SLC25A21: variants seen among roughly 807,000 people sequenced by gnomAD.
SLC25A21 encodes the protein solute carrier family 25 member 21.
In SLC25A21, 47 loss-of-function variants were observed where a neutral mutation model predicts 43.8. The observed-to-expected ratio is 1.07, with a 90% confidence interval of 0.85 to 1.37. The LOEUF (loss-of-function observed/expected upper bound fraction) is 1.37. SLC25A21 is among the 40% of genes most tolerant of loss of function. SLC25A21 has a pLI of 0.00. For missense variants in SLC25A21, 352 were observed against 350.2 expected, an observed-to-expected ratio of 1.00 and a Z score of -0.04; for synonymous variants, 131 against 121.3, an observed-to-expected ratio of 1.08 and a Z score of -0.52.
At chr14:37,102,707 T>C (rs1442888000) in intron 1 of SLC25A21, among the ~76,000 whole-genome samples, 2 of 151,930 alleles carry the variant, frequency 1.3e-5, no homozygotes, top group Non-Finnish European at 2.9e-5. Flanking sequence ...CAAATTTGGC[T>C]GGGCATGGTG....
intron 3 of SLC25A21, among the ~76,000 whole-genome samples, chr14:36,795,858 G>T (rs948934455): frequency 1.8e-4 from 27 of 152,176 alleles, no homozygotes; most frequent in African/African-American, 5.8e-4. Context: ...AAAAGTAACA[G>T]GCAGCTCATG....
At chr14:36,756,951 T>C (rs1299813509) in intron 3 of SLC25A21, among the ~76,000 whole-genome samples, 3 of 152,114 alleles carry the variant, frequency 2.0e-5, no homozygotes, top group East Asian at 3.8e-4. Flanking sequence ...AATACTTTTG[T>C]AAAATACATT....
chr14:37,011,616 G>A (rs1478942278), intron 1 of SLC25A21, among the ~76,000 whole-genome samples: 2 of 152,092 alleles, frequency 1.3e-5, no homozygotes, highest in African/African-American at 2.4e-5. Context: ...ATTCCATCCA[G>A]AATCACATCA....
intron 2 of SLC25A21, among the ~76,000 whole-genome samples, chr14:36,828,222 A>C (rs779669747): frequency 5.9e-5 from 9 of 151,996 alleles, no homozygotes; most frequent in Non-Finnish European, 1.2e-4. Flanking sequence ...CTTTTTTGTC[A>C]TATAAAGTTG....
chr14:36,916,389 C>T (rs1225188338), intron 1 of SLC25A21, among the ~76,000 whole-genome samples: 1 of 152,084 alleles, frequency 6.6e-6, no homozygotes, highest in African/African-American at 2.4e-5. Context: ...ATATTCTATT[C>T]CTCATTTTTT....
At position 37,095,486 on chromosome 14, in the gene SLC25A21, C is replaced by CT. The variant is rs557346238; in HGVS notation, c.70+76794dup. 4.6e-5 allele frequency among the ~76,000 whole-genome samples: 7 copies of CT among 152,260 alleles called. 1 individual carries two copies. The South Asian group carries it at 1.5e-3, about 32-fold the overall frequency. On this transcript the variant is annotated intron_variant, in intron 1 of 9. Transcript: ENST00000331299. ...TGAGCCTGGATTGTGCCACTGAACT[C>CT]TAACGTGGGCGACAGAGCAAGACTC... is the stretch of plus-strand genomic sequence containing the variant.
chr14:36,798,032 T>C (rs1375194778), intron 3 of SLC25A21, among the ~76,000 whole-genome samples: 3 of 152,184 alleles, frequency 2.0e-5, no homozygotes, highest in South Asian at 4.1e-4. Flanking sequence ...CTGGAGGCTG[T>C]TGAAATCCTA....
chr14:37,072,966 G>A (rs1225384926), intron 1 of SLC25A21, among the ~76,000 whole-genome samples: 1 of 152,120 alleles, frequency 6.6e-6, no homozygotes, highest in African/African-American at 2.4e-5. Flanking sequence ...TGACACATAG[G>A]TCCTGGGACA....
chr14:37,027,771 T>G (rs191680713), intron 1 of SLC25A21, among the ~76,000 whole-genome samples: 1 of 152,332 alleles, frequency 6.6e-6, no homozygotes, highest in East Asian at 1.9e-4. Flanking sequence ...GGTCTCTGAT[T>G]TAGGTTAAGT....
chr14:36,873,822 C>T (rs751630919), intron 2 of SLC25A21, among the ~76,000 whole-genome samples: 124 of 152,066 alleles, frequency 8.2e-4, no homozygotes, highest in Non-Finnish European at 2.1e-4. Context: ...AGCTTCCTCT[C>T]TCTGTCATGT....
At chr14:36,716,793 G>A (rs1304550402) in intron 6 of SLC25A21, among the ~76,000 whole-genome samples, 2 of 152,178 alleles carry the variant, frequency 1.3e-5, no homozygotes, top group East Asian at 3.9e-4. Flanking sequence ...TGTTCCCTGG[G>A]TAAATACCAG....
chr14:37,078,478 A>T (rs1209409281), intron 1 of SLC25A21, among the ~76,000 whole-genome samples: 1 of 152,166 alleles, frequency 6.6e-6, no homozygotes, highest in Admixed American at 6.5e-5. Context: ...CACTGCAATC[A>T]CACCGAAAAT....
Position 37,172,570 on chromosome 14 carries a change from A to T in SLC25A21, c.-220T>A. The stretch of plus-strand genomic sequence containing the variant: ...GAACCTGTTCGCAGCGCTCTCGCAG[A>T]GGCGCCCTCGGCTCCGAAAATGTCT... On this transcript the variant is annotated 5_prime_UTR_variant, in exon 1 of 10. Coordinates refer to ENST00000331299, the MANE Select transcript of SLC25A21 (RefSeq NM_030631.4). 1 of 703,844 alleles carries T rather than the reference A, an allele frequency of 1.4e-6. No homozygotes were observed. Among genetic ancestry groups the T allele is most frequent in the Non-Finnish European group, 2.6e-6 (1 of 386,456 alleles). The allele number at this position is 703,844 out of a possible 1,614,324, so 43.6% of individuals were successfully genotyped here. A position where few individuals can be genotyped will look rare whatever the true frequency, so the allele number is the denominator to read the frequency against.
chr14:37,089,098 T>C (rs1379760413), intron 1 of SLC25A21, among the ~76,000 whole-genome samples: 1 of 152,180 alleles, frequency 6.6e-6, no homozygotes, highest in Non-Finnish European at 1.5e-5. Context: ...GATTCAAAAA[T>C]GTTCACTCAT....
rs1015910422 is a variant in SLC25A21 at position 36,762,215 on chromosome 14, C to A, written c.204-27642G>T. 5.3e-5 allele frequency among the ~76,000 whole-genome samples: 8 copies of A among 152,230 alleles called. No individual in the cohort carries two copies. The East Asian group carries it at 1.5e-3, about 29-fold the overall frequency. ...ACAGTAATAATGATCATATCACTAA[C>A]AATTCCTATTGGATGCTTACTATCA... On this transcript the variant is annotated intron_variant, in intron 3 of 9. Transcript: ENST00000331299.
intron 1 of SLC25A21, among the ~76,000 whole-genome samples, chr14:36,967,449 A>G (rs1158934045): frequency 6.6e-6 from 1 of 152,208 alleles, no homozygotes; most frequent in African/African-American, 2.4e-5. Flanking sequence ...GAAGAACTTT[A>G]TTAGAAGTAT....
chr14:37,134,775 C>T (rs1238761649), intron 1 of SLC25A21, among the ~76,000 whole-genome samples: 2 of 151,948 alleles, frequency 1.3e-5, no homozygotes, highest in South Asian at 2.1e-4. Context: ...TCCCTTGAAA[C>T]GGAGCTTCAT....
intron 1 of SLC25A21, among the ~76,000 whole-genome samples, chr14:37,125,450 GAATAGATGA>G (rs1963281328): frequency 6.6e-6 from 1 of 152,162 alleles, no homozygotes; most frequent in Non-Finnish European, 1.5e-5. Context: ...AAGGCAGGTG[GAATAGATGA>G]TCTCCAAGTC....
chr14:36,798,590 CAG>C (rs1180013730), intron 3 of SLC25A21, among the ~76,000 whole-genome samples: 3 of 149,990 alleles, frequency 2.0e-5, no homozygotes, highest in Non-Finnish European at 4.4e-5. Flanking sequence ...TGCTGCCTAA[CAG>C]AGGACTGTGT....
Sources: gnomAD v4.1 joint callset for allele counts (sites outside exome capture counted in the v4.1 genomes callset) on GRCh38, gnomAD v4.1.1 for gene constraint, MANE v1.5 for transcripts, NCBI Gene and HGNC (gene_info 2026-07-23, HGNC 2026-07-21) for gene names.